The following KIF18A variants were observed in gnomAD, a reference collection of about 807,000 sequenced individuals.
The protein encoded by KIF18A is kinesin-like protein KIF18A.
In KIF18A, 67 loss-of-function variants were observed where a neutral mutation model predicts 103.3. That is an observed-to-expected ratio of 0.65 (90% confidence interval 0.53 to 0.79). KIF18A has a LOEUF of 0.79. KIF18A is among the 30% of genes least tolerant of loss of function. KIF18A has a pLI of 0.00. For synonymous variants in KIF18A, 367 were observed against 355.5 expected, an observed-to-expected ratio of 1.03 and a Z score of -0.36; for missense variants, 1,032 against 1,062.5, an observed-to-expected ratio of 0.97 and a Z score of 0.40.
intron 3 of KIF18A, 49 bp downstream of exon 3, chr11:28,094,594 A>C (rs2133563084): frequency 7.8e-7 from 1 of 1,287,240 alleles, no homozygotes; most frequent in Non-Finnish European, 1.1e-6. Context: ...TGTATGAATC[A>C]TGTCAATGAT....
At chr11:28,036,189 AG>A (rs1565071536) in intron 14 of KIF18A, 27 bp downstream of exon 14, 1 of 1,433,742 alleles carries the variant, frequency 7.0e-7, no homozygotes. Flanking sequence ...TTAAAAAAAA[AG>A]AATTGGCAAA....
chr11:28,097,284 G>C (rs1249202732), intron 2 of KIF18A: 10 of 192,676 alleles, frequency 5.2e-5, no homozygotes, highest in Non-Finnish European at 1.1e-4. Context: ...TAATTACATA[G>C]GTAAGCTGTA....
chr11:28,098,955 C>T (rs1414255816), intron 1 of KIF18A, among the ~76,000 whole-genome samples: 1 of 151,772 alleles, frequency 6.6e-6, no homozygotes, highest in Non-Finnish European at 1.5e-5. Context: ...AAAGGTGAGA[C>T]TTAGGACGAT....
At chr11:28,048,595 A>G (rs908378038) in intron 13 of KIF18A, among the ~76,000 whole-genome samples, 4 of 152,128 alleles carry the variant, frequency 2.6e-5, no homozygotes, top group Non-Finnish European at 4.4e-5. Flanking sequence ...AAATACTAAT[A>G]TAAGTTAATA....
At chr11:28,042,806 A>AT (rs2133503112) in intron 13 of KIF18A, among the ~76,000 whole-genome samples, 1 of 152,072 alleles carries the variant, frequency 6.6e-6, no homozygotes, top group South Asian at 2.1e-4. Flanking sequence ...TGATCACATC[A>AT]TTAAAAAAAG....
intron 1 of KIF18A, among the ~76,000 whole-genome samples, chr11:28,102,458 T>C (rs922781977): frequency 2.0e-5 from 3 of 152,128 alleles, no homozygotes; most frequent in African/African-American, 4.8e-5. Flanking sequence ...CTCTCTAAAA[T>C]ATAAAAAACC....
intron 2 of KIF18A, chr11:28,097,273 A>G: frequency 5.5e-6 from 1 of 181,234 alleles, no homozygotes; most frequent in South Asian, 1.2e-4. Context: ...CCAGGAATAG[A>G]TAATTACATA....
chr11:28,044,055 T>G (rs1291341537), intron 13 of KIF18A, among the ~76,000 whole-genome samples: 2 of 151,806 alleles, frequency 1.3e-5, no homozygotes, highest in African/African-American at 2.4e-5. Context: ...AACAGGAGAA[T>G]TCTTGGAAGT....
At chr11:28,100,506 G>A (rs1196180581) in intron 1 of KIF18A, among the ~76,000 whole-genome samples, 1 of 141,042 alleles carries the variant, frequency 7.1e-6, no homozygotes, top group Non-Finnish European at 1.5e-5. Flanking sequence ...AAGATCCATA[G>A]ACAAGGTATA....
chr11:28,032,077 A>T (rs933295111), intron 15 of KIF18A, among the ~76,000 whole-genome samples: 1 of 150,222 alleles, frequency 6.7e-6, no homozygotes, highest in Non-Finnish European at 1.5e-5. Context: ...AATCAGTAGC[A>T]TATCTATATA....
At position 28,067,070 on chromosome 11, in the gene KIF18A, T is replaced by C. The variant is rs1224414874; in HGVS notation, c.1590+2189A>G. On this transcript the variant is annotated intron_variant, in intron 11 of 16. Transcript: ENST00000263181. ...ATGTTAAACACACTGTCCAAAGTCA[T>C]ATAATTATTGTTAGAGTTGTTATTC... Among the ~76,000 whole-genome samples, 4 of 151,938 alleles carry C rather than the reference T, an allele frequency of 2.6e-5. No individual in the cohort carries two copies. The South Asian group carries it at 6.2e-4, about 24-fold the overall frequency.
intron 13 of KIF18A, among the ~76,000 whole-genome samples, chr11:28,045,951 C>G (rs1021426838): frequency 4.0e-4 from 60 of 151,780 alleles, no homozygotes; most frequent in African/African-American, 1.1e-3. Context: ...AAATGCTCAT[C>G]ATCACTGGCC....
intron 1 of KIF18A, among the ~76,000 whole-genome samples, chr11:28,103,334 A>AT (rs1244615174): frequency 6.6e-6 from 1 of 151,798 alleles, no homozygotes; most frequent in Non-Finnish European, 1.5e-5. Flanking sequence ...AAAAAAAAAA[A>AT]TTCCAAAATT....
chr11:28,026,428 T>A (rs746813079), intron 15 of KIF18A, among the ~76,000 whole-genome samples: 152 of 151,898 alleles, frequency 1.0e-3, no homozygotes, highest in Admixed American at 1.7e-3. Flanking sequence ...TTAAAAAAAG[T>A]AATCATGTAC....
chr11:28,100,930 G>A (rs927915336), intron 1 of KIF18A, among the ~76,000 whole-genome samples: 2 of 152,024 alleles, frequency 1.3e-5, no homozygotes, highest in Admixed American at 6.5e-5. Flanking sequence ...TGAGTCTCAG[G>A]TTTCTATTTG....
At chr11:28,055,078 ATCT>A (rs1850761234) in intron 13 of KIF18A, among the ~76,000 whole-genome samples, 2 of 152,180 alleles carry the variant, frequency 1.3e-5, no homozygotes, top group Admixed American at 6.6e-5. Context: ...GTATGAGAGA[ATCT>A]GAAAAAAACT....
intron 13 of KIF18A, among the ~76,000 whole-genome samples, chr11:28,053,005 T>C (rs1445391583): frequency 1.3e-5 from 2 of 152,172 alleles, no homozygotes; most frequent in East Asian, 1.9e-4. Context: ...TGGCAAAGTA[T>C]CAACAAGCAT....
intron 13 of KIF18A, among the ~76,000 whole-genome samples, chr11:28,038,294 G>A (rs1275368472): frequency 6.6e-6 from 1 of 151,200 alleles, no homozygotes; most frequent in East Asian, 1.9e-4. Flanking sequence ...TTTTATTAAT[G>A]CCCCAAATAA....
intron 13 of KIF18A, among the ~76,000 whole-genome samples, chr11:28,037,959 C>T (rs1850515585): frequency 6.6e-6 from 1 of 151,438 alleles, no homozygotes. Flanking sequence ...TCTAATTATC[C>T]TCTTACCATT....
Sources: gnomAD v4.1 joint callset for allele counts (sites outside exome capture counted in the v4.1 genomes callset) on GRCh38, gnomAD v4.1.1 for gene constraint, MANE v1.5 for transcripts, NCBI Gene and HGNC (gene_info 2026-07-23, HGNC 2026-07-21) for gene names.